CSMD1: variants seen among roughly 807,000 people sequenced by gnomAD.
CSMD1 encodes the protein CUB and Sushi multiple domains 1.
A neutral mutation model predicts 417.5 loss-of-function variants in CSMD1; 213 were observed. The ratio of observed to expected loss-of-function variants is 0.51; its 90% CI spans 0.46 to 0.57. CSMD1 has a LOEUF of 0.57. Ranked by LOEUF, CSMD1 falls within the 20% of genes least tolerant of loss-of-function variation. The pLI, the probability that CSMD1 is intolerant of heterozygous loss-of-function variation, is 0.00. For missense variants in CSMD1, 6,923 were observed against 4,529.7 expected (o/e 1.53, Z -15.17); for synonymous variants, 2,862 against 1,736.8 (o/e 1.65, Z -16.11).
chr8:2,999,435 TGA>T (rs1239746036), intron 53 of CSMD1, among the ~76,000 whole-genome samples: 1 of 152,134 alleles, frequency 6.6e-6, no homozygotes, highest in Non-Finnish European at 1.5e-5. Context: ...ATTACAGGCG[TGA>T]GCCACCACGC....
At chr8:2,971,953 C>T (rs1266274284) in intron 57 of CSMD1, among the ~76,000 whole-genome samples, 2 of 151,834 alleles carry the variant, frequency 1.3e-5, no homozygotes, top group African/African-American at 2.4e-5. Context: ...TGTTTGTGTG[C>T]ACATATGTGT....
chr8:3,832,625 G>T (rs951161696), intron 5 of CSMD1, among the ~76,000 whole-genome samples: 11 of 152,098 alleles, frequency 7.2e-5, no homozygotes, highest in African/African-American at 9.7e-5. Context: ...GTTCTTGAAG[G>T]AGTCGAAGAT....
At chr8:4,455,180 A>G (rs142118819) in intron 2 of CSMD1, among the ~76,000 whole-genome samples, 88 of 151,288 alleles carry the variant, frequency 5.8e-4, no homozygotes, top group African/African-American at 1.9e-3. Flanking sequence ...AGAATTAAAG[A>G]TGCAACAAAA....
chr8:3,894,310 T>C (rs1807201159), intron 5 of CSMD1, among the ~76,000 whole-genome samples: 1 of 152,148 alleles, frequency 6.6e-6, no homozygotes. Context: ...AGTCTCATCT[T>C]CACCACTGAA....
intron 3 of CSMD1, among the ~76,000 whole-genome samples, chr8:4,225,559 G>A (rs919092096): frequency 1.4e-5 from 2 of 147,960 alleles, no homozygotes; most frequent in African/African-American, 5.0e-5. Flanking sequence ...CCTTAGCATG[G>A]CTGTTAAGAG....
At chr8:4,356,674 G>T (rs1271105075) in intron 3 of CSMD1, among the ~76,000 whole-genome samples, 3 of 152,128 alleles carry the variant, frequency 2.0e-5, no homozygotes, top group African/African-American at 7.2e-5. Context: ...TGTTAGTGAG[G>T]GCTTCTTTCC....
At chr8:3,563,679 A>G (rs1200915551) in intron 10 of CSMD1, among the ~76,000 whole-genome samples, 3 of 152,088 alleles carry the variant, frequency 2.0e-5, no homozygotes, top group Admixed American at 2.0e-4. Context: ...TCATGAGGTC[A>G]GGAGTTCGAG....
At chr8:4,970,717 T>C (rs1203564255) in intron 1 of CSMD1, among the ~76,000 whole-genome samples, 2 of 152,138 alleles carry the variant, frequency 1.3e-5, no homozygotes, top group Admixed American at 6.6e-5. Context: ...AGGACGTGGA[T>C]TCTGAAAGAG....
chr8:2,945,030 AG>A (rs1401989864), intron 68 of CSMD1, among the ~76,000 whole-genome samples: 1 of 151,956 alleles, frequency 6.6e-6, no homozygotes, highest in African/African-American at 2.4e-5. Context: ...ACATGCCTGC[AG>A]CTCCTAGTTA....
intron 3 of CSMD1, among the ~76,000 whole-genome samples, chr8:4,086,030 T>C (rs889678581): frequency 6.6e-6 from 1 of 152,162 alleles, no homozygotes; most frequent in Admixed American, 6.6e-5. Flanking sequence ...TGTGGTCCTG[T>C]TTTCAACAAA....
At chr8:4,628,211 G>C (rs946835826) in intron 2 of CSMD1, among the ~76,000 whole-genome samples, 6 of 151,000 alleles carry the variant, frequency 4.0e-5, no homozygotes, top group African/African-American at 1.5e-4. Context: ...ACATTTTCTT[G>C]TAGTTCTAAA....
intron 3 of CSMD1, among the ~76,000 whole-genome samples, chr8:4,252,745 T>C (rs1213833242): frequency 4.6e-5 from 7 of 152,244 alleles, no homozygotes; most frequent in African/African-American, 1.7e-4. Context: ...AGAGCGCTTT[T>C]AGATGGGACT....
intron 68 of CSMD1, among the ~76,000 whole-genome samples, chr8:2,944,594 T>G (rs948865756): frequency 6.6e-6 from 1 of 152,232 alleles, no homozygotes; most frequent in Non-Finnish European, 1.5e-5. Context: ...TGTTTTGTTT[T>G]GTTTGGTTTC....
At chr8:3,324,256 C>T (rs1204538222) in intron 23 of CSMD1, among the ~76,000 whole-genome samples, 2 of 146,712 alleles carry the variant, frequency 1.4e-5, no homozygotes, top group African/African-American at 5.1e-5. Context: ...CTTCACCCCA[C>T]CTTTCATCGT....
intron 2 of CSMD1, among the ~76,000 whole-genome samples, chr8:4,491,834 A>G (rs1372861966): frequency 1.3e-5 from 2 of 152,208 alleles, no homozygotes; most frequent in East Asian, 1.9e-4. Context: ...AGCTAAACAC[A>G]GTCTTACTGT....
rs140747698 is a variant in CSMD1, at chr8:3,285,282, G to C, written c.3951-936C>G. On this transcript the variant is annotated intron_variant, in intron 25 of 69. Transcript: ENST00000635120. ...TGTCACCCTGTGTAAGGTATGGAAT[G>C]TGTGGTGTATTTTTAAAATAATCAA... 4.7e-3 allele frequency among the ~76,000 whole-genome samples: 714 copies of C among 152,284 alleles called. 8 individuals are homozygous for C. Among genetic ancestry groups the C allele is most frequent in the African/African-American group, 0.017 (689 of 41,556 alleles).
intron 1 of CSMD1, among the ~76,000 whole-genome samples, chr8:4,991,045 C>G (rs1236487385): frequency 6.6e-6 from 1 of 152,130 alleles, no homozygotes; most frequent in Non-Finnish European, 1.5e-5. Flanking sequence ...GTGTGCTCTC[C>G]TTTAGGACGC....
At chr8:3,609,257 G>T (rs1420008934) in intron 8 of CSMD1, among the ~76,000 whole-genome samples, 2 of 152,174 alleles carry the variant, frequency 1.3e-5, no homozygotes, top group African/African-American at 4.8e-5. Flanking sequence ...AACAATAGAT[G>T]ACAGTACCCA....
chr8:3,258,532 T>C (rs577614673), intron 26 of CSMD1, among the ~76,000 whole-genome samples: 23 of 152,302 alleles, frequency 1.5e-4, no homozygotes, highest in African/African-American at 5.3e-4. Context: ...GAAGACAGTG[T>C]GGTGATTCCT....
Sources: allele counts gnomAD v4.1 joint callset (sites outside exome capture counted in the v4.1 genomes callset), GRCh38; gene constraint gnomAD v4.1.1; transcripts MANE v1.5; gene names NCBI Gene and HGNC (gene_info 2026-07-23, HGNC 2026-07-21).